Variants in TGFB3 observed in about 807,000 individuals in gnomAD.
The protein encoded by TGFB3 is transforming growth factor beta 3.
Under a neutral mutation model 40.1 loss-of-function variants are expected in TGFB3, and 5 were observed. The ratio of observed to expected loss-of-function variants is 0.12; its 90% CI spans 0.07 to 0.26. The LOEUF (loss-of-function observed/expected upper bound fraction) is 0.26. TGFB3 is among the 10% of genes least tolerant of loss of function. The pLI is 1.00. For synonymous variants in TGFB3, 184 were observed against 205.6 expected, an observed-to-expected ratio of 0.89 and a Z score of 0.90; for missense variants, 373 against 530.1, an observed-to-expected ratio of 0.70 and a Z score of 2.91.
intron 3 of TGFB3, chr14:75,966,086 G>A (rs2035218027): frequency 3.0e-6 from 1 of 329,812 alleles, no homozygotes; most frequent in Non-Finnish European, 5.9e-6. Context: ...TTTGGGAGAG[G>A]GGATCGTTGA....
At chr14:75,966,049 G>T in intron 3 of TGFB3, 2 of 351,482 alleles carry the variant, frequency 5.7e-6, no homozygotes, top group Non-Finnish European at 1.1e-5. Context: ...AGTAAGGAAA[G>T]CAAAAACTCA....
rs1000679465 is a variant in TGFB3, at chr14:75,971,160, G to A, written c.612C>T (p.Val204=). 3.7e-6 allele frequency: 6 copies of A among 1,614,138 alleles called. No homozygotes were observed. The East Asian group carries it at 1.1e-4, about 30-fold the overall frequency. Residue 204 remains valine, a synonymous_variant, in exon 3 of 7, where the codon GTC becomes GTT. Transcript: ENST00000238682. The surrounding 1 kb of genome is among the most constrained non-coding windows in gnomAD (Gnocchi z 4.5). ...ACAGCCACTCACGCACAGTGTCAGT[G>A]ACATCAAAGGACAGCCACTCGGCAG... ...RGTAEWLSFD[V]TDTVREWLLR...
intron 3 of TGFB3, among the ~76,000 whole-genome samples, chr14:75,969,298 A>AG (rs2035258591): frequency 1.3e-5 from 2 of 152,106 alleles, no homozygotes; most frequent in Non-Finnish European, 2.9e-5. Context: ...TGATGACAGG[A>AG]GAAAACCTTG....
intron 4 of TGFB3, 39 bp downstream of exon 4, chr14:75,965,549 C>G: frequency 6.5e-7 from 1 of 1,544,616 alleles, no homozygotes; most frequent in Non-Finnish European, 9.0e-7. Context: ...TAACTTCCCC[C>G]CCACTCACCC....
chr14:75,970,579 A>G (rs1325202245), intron 3 of TGFB3: 1 of 145,818 alleles, frequency 6.9e-6, no homozygotes, highest in Non-Finnish European at 1.5e-5. Flanking sequence ...AATAATAATA[A>G]TAATAATAAT....
chr14:75,964,993 T>G (rs2035204688), intron 4 of TGFB3, among the ~76,000 whole-genome samples: 1 of 152,150 alleles, frequency 6.6e-6, no homozygotes, highest in African/African-American at 2.4e-5. Context: ...AAGGCTGAGT[T>G]CCTTGCAAAC....
chr14:75,967,297 G>A (rs1182080769), intron 3 of TGFB3, among the ~76,000 whole-genome samples: 1 of 152,248 alleles, frequency 6.6e-6, no homozygotes, highest in Non-Finnish European at 1.5e-5. Context: ...TGCGCCTGCT[G>A]AGCTTGAAGA....
Position 75,958,691 on chromosome 14 carries a change from C to T in TGFB3, c.*496G>A, listed in dbSNP as rs3917217. 208 of 210,840 alleles carry T rather than the reference C, an allele frequency of 9.9e-4. 2 individuals are homozygous for T. The East Asian group carries it at 0.021, about 21-fold the overall frequency. The allele number at this position is 210,840 out of a possible 1,614,324, so 13.1% of individuals were successfully genotyped here. On this transcript the variant is annotated 3_prime_UTR_variant, in exon 7 of 7. Coordinates refer to ENST00000238682, the MANE Select transcript of TGFB3 (RefSeq NM_003239.5). ...AGATACAATTCTGGGACTTTGTCTT[C>T]GTAACCTGTCTTTAAAAAAAAAAAA...
intron 1 of TGFB3, among the ~76,000 whole-genome samples, chr14:75,972,696 A>C (rs1292642903): frequency 6.6e-6 from 1 of 152,210 alleles, no homozygotes. Context: ...GGTGGGAGCC[A>C]GGTGAGAAAG....
chr14:75,976,454 G>A (rs1333253062), intron 1 of TGFB3, among the ~76,000 whole-genome samples: 1 of 152,192 alleles, frequency 6.6e-6, no homozygotes, highest in Non-Finnish European at 1.5e-5. Context: ...AATGGTGTGA[G>A]CTTTCTATTG....
chr14:75,970,907 T>C lies in TGFB3; in HGVS notation c.646+219A>G, dbSNP rs181927216. 8 of 570,360 alleles carry C rather than the reference T, an allele frequency of 1.4e-5. No individual in the cohort carries two copies. The Admixed American group carries it at 2.1e-4, about 15-fold the overall frequency. 35.3% of individuals were successfully genotyped at this position (570,360 alleles called of 1,614,324 possible). A position where few individuals can be genotyped will look rare whatever the true frequency, so the allele number is the denominator to read the frequency against. On this transcript the variant is annotated intron_variant, in intron 3 of 6. Coordinates refer to ENST00000238682, the MANE Select transcript of TGFB3 (RefSeq NM_003239.5). ...TGTCACATTGCCCTCTTTCTATTTC[T>C]CATAGTTCCTATCCCTGTGGCTGCA...
At position 75,979,472 on chromosome 14, in the gene TGFB3, C is replaced by G. The variant is rs1217646124; in HGVS notation, c.352+1070G>C. On this transcript the variant is annotated intron_variant, in intron 1 of 6. Coordinates refer to ENST00000238682, the MANE Select transcript of TGFB3 (RefSeq NM_003239.5). This position sits in a 1 kb window ranked among gnomAD's most constrained non-coding sequence, Gnocchi z 4.8. ...GGTAGGAAAAGCAAACAGAGCTGCTCCCGGAGTCTACGGCCCACGAGTGGC... is the reference window on the plus strand; with the variant it reads ...GGTAGGAAAAGCAAACAGAGCTGCTGCCGGAGTCTACGGCCCACGAGTGGC... Among the ~76,000 whole-genome samples, 1 of 152,182 alleles carries G rather than the reference C, an allele frequency of 6.6e-6. No individual in the cohort carries two copies. Among genetic ancestry groups the G allele is most frequent in the Non-Finnish European group, 1.5e-5 (1 of 68,032 alleles).
chr14:75,959,373 T>A (rs775257902), intron 6 of TGFB3, 28 bp from the exon 7 acceptor site: 1 of 1,613,336 alleles, frequency 6.2e-7, no homozygotes, highest in South Asian at 1.1e-5. Context: ...AGTGAGAGGT[T>A]GGAAGGCCAA....
At chr14:75,967,789 A>G (rs2035237350) in intron 3 of TGFB3, among the ~76,000 whole-genome samples, 2 of 152,338 alleles carry the variant, frequency 1.3e-5, no homozygotes, top group South Asian at 4.1e-4. Flanking sequence ...CAGCTTGCCC[A>G]AGATATCCAA....
Position 75,978,546 on chromosome 14 carries a change from C to T in TGFB3, c.352+1996G>A, listed in dbSNP as rs1381292459. ...CTCATAGCATCGCACGTTGGCTCCT[C>T]CCCAGCATCCTGAACAGCATCCTGC... On this transcript the variant is annotated intron_variant, in intron 1 of 6. Coordinates refer to ENST00000238682, the MANE Select transcript of TGFB3 (RefSeq NM_003239.5). The surrounding 1 kb of genome is among the most constrained non-coding windows in gnomAD (Gnocchi z 5.0). Among the ~76,000 whole-genome samples, 1 of 152,218 alleles carries T rather than the reference C, an allele frequency of 6.6e-6. No individual in the cohort carries two copies. The highest frequency in any genetic ancestry group is 1.5e-5 in the Non-Finnish European group (1 of 68,048).
chr14:75,972,377 A>AG (rs11466428), intron 1 of TGFB3, among the ~76,000 whole-genome samples: 2 of 152,158 alleles, frequency 1.3e-5, no homozygotes, highest in East Asian at 1.9e-4. Context: ...TTAATATCTA[A>AG]GGGGGGGTAT....
chr14:75,973,068 G>A (rs972904460), intron 1 of TGFB3, among the ~76,000 whole-genome samples: 1 of 152,212 alleles, frequency 6.6e-6, no homozygotes, highest in Admixed American at 6.5e-5. Flanking sequence ...TCTTTTCTCT[G>A]CTCCTGTACA....
In TGFB3 at chr14:75,981,132, A is replaced by G. The variant is rs2035426658; in HGVS notation, c.-239T>C. 5.4e-6 allele frequency: 3 copies of G among 556,558 alleles called. No homozygotes were observed. The highest frequency in any genetic ancestry group is 4.0e-5 in the South Asian group (2 of 50,530). 34.5% of individuals were successfully genotyped at this position (556,558 alleles called of 1,614,324 possible). A position where few individuals can be genotyped will look rare whatever the true frequency, so the allele number is the denominator to read the frequency against. On this transcript the variant is annotated 5_prime_UTR_variant, in exon 1 of 7. An upstream start codon of the reference 5' UTR is lost. Coordinates refer to ENST00000238682, the MANE Select transcript of TGFB3 (RefSeq NM_003239.5). The surrounding 1 kb of genome is among the most constrained non-coding windows in gnomAD (Gnocchi z 4.7). Reference sequence around the variant, plus strand: ...CCTTGTAGCGCTGGGATTCTTGTCCATGTGTCTAAACAGGTTTTGCTGGGC... The same window carrying G: ...CCTTGTAGCGCTGGGATTCTTGTCCGTGTGTCTAAACAGGTTTTGCTGGGC...
chr14:75,972,226 C>T (rs2035302616), intron 1 of TGFB3, among the ~76,000 whole-genome samples: 1 of 152,196 alleles, frequency 6.6e-6, no homozygotes, highest in Non-Finnish European at 1.5e-5. Context: ...CCCCTGCCTT[C>T]AAGGGGATTA....
Sources: allele counts gnomAD v4.1 joint callset (sites outside exome capture counted in the v4.1 genomes callset), GRCh38; gene constraint gnomAD v4.1.1; non-coding constraint Gnocchi (gnomAD v3.1); transcripts MANE v1.5; gene names NCBI Gene and HGNC (gene_info 2026-07-23, HGNC 2026-07-21).